TENM2: variants seen among roughly 807,000 people sequenced by gnomAD.
TENM2 encodes teneurin transmembrane protein 2.
Under a neutral mutation model 245.2 loss-of-function variants are expected in TENM2, and 52 were observed. The ratio of observed to expected loss-of-function variants is 0.21; its 90% CI spans 0.17 to 0.27. TENM2 has a LOEUF of 0.27. TENM2 is among the 10% of genes least tolerant of loss of function. The pLI is 1.00. For missense variants in TENM2, 3,046 were observed against 3,666.8 expected (o/e 0.83, Z 4.37); for synonymous variants, 1,363 against 1,438.9 (o/e 0.95, Z 1.19).
intron 6 of TENM2, among the ~76,000 whole-genome samples, chr5:168,058,892 G>T (rs1362834847): frequency 2.0e-5 from 3 of 151,900 alleles, no homozygotes; most frequent in Admixed American, 6.6e-5. Context: ...CACCCTCCAA[G>T]GCAGTTAGAA....
At chr5:167,594,262 G>C (rs887630999) in intron 2 of TENM2, among the ~76,000 whole-genome samples, 1 of 152,152 alleles carries the variant, frequency 6.6e-6, no homozygotes, top group African/African-American at 2.4e-5. Context: ...AGCCATAGAA[G>C]TTGTATTCCC....
the TENM2 span, among the ~76,000 whole-genome samples, chr5:167,198,218 G>T: frequency 6.2e-3 from 948 of 152,164 alleles, 10 homozygotes; most frequent in African/African-American, 0.022. Context: ...TGCAAAATAG[G>T]TTGTAGAGAT....
At chr5:167,165,806 A>C in the TENM2 span, among the ~76,000 whole-genome samples, 1 of 152,334 alleles carries the variant, frequency 6.6e-6, no homozygotes, top group South Asian at 2.1e-4. Context: ...CTTTTATAAA[A>C]GTTTATGTCT....
At chr5:167,201,130 A>G in the TENM2 span, among the ~76,000 whole-genome samples, 2 of 152,190 alleles carry the variant, frequency 1.3e-5, no homozygotes, top group African/African-American at 2.4e-5. Context: ...AAGTGAAATC[A>G]GGATTTACCT....
At chr5:168,134,556 G>A (rs1202750364) in intron 12 of TENM2, among the ~76,000 whole-genome samples, 1 of 152,036 alleles carries the variant, frequency 6.6e-6, no homozygotes, top group Non-Finnish European at 1.5e-5. Flanking sequence ...GTGTGGTGGC[G>A]AGCACCTGTA....
At chr5:167,786,860 G>A (rs1175121911) in intron 2 of TENM2, among the ~76,000 whole-genome samples, 2 of 152,130 alleles carry the variant, frequency 1.3e-5, no homozygotes, top group Non-Finnish European at 2.9e-5. Flanking sequence ...CACACACTGG[G>A]AATTAATACA....
intron 2 of TENM2, among the ~76,000 whole-genome samples, chr5:167,449,829 G>A (rs754187042): frequency 2.0e-4 from 30 of 152,178 alleles, no homozygotes; most frequent in Admixed American, 8.5e-4. Flanking sequence ...ATAGTGGCGC[G>A]TACCTTTAAT....
chr5:167,058,557 G>A, the TENM2 span, among the ~76,000 whole-genome samples: 1 of 152,128 alleles, frequency 6.6e-6, no homozygotes, highest in Non-Finnish European at 1.5e-5. Context: ...CCAGGAATTT[G>A]AGACCTCCTT....
chr5:167,025,398 T>G, the TENM2 span, among the ~76,000 whole-genome samples: 2 of 152,282 alleles, frequency 1.3e-5, no homozygotes, highest in East Asian at 3.9e-4. Flanking sequence ...AAAAGTAGAT[T>G]TCCATATACA....
chr5:167,498,246 G>A (rs1403340636), intron 2 of TENM2, among the ~76,000 whole-genome samples: 4 of 152,078 alleles, frequency 2.6e-5, no homozygotes, highest in African/African-American at 9.7e-5. Context: ...AGGATGCAGA[G>A]GCGCCGGGAA....
the TENM2 span, among the ~76,000 whole-genome samples, chr5:167,053,342 A>T: frequency 6.6e-6 from 1 of 152,198 alleles, no homozygotes; most frequent in Non-Finnish European, 1.5e-5. Flanking sequence ...AGAAGCACCT[A>T]TATCTCAGAC....
At chr5:167,981,401 CA>C (rs1782824941) in intron 4 of TENM2, among the ~76,000 whole-genome samples, 1 of 152,166 alleles carries the variant, frequency 6.6e-6, no homozygotes, top group African/African-American at 2.4e-5. Context: ...GAGTGGAAAT[CA>C]AAAGTTGTGT....
At chr5:167,962,380 G>A (rs1781079659) in intron 4 of TENM2, among the ~76,000 whole-genome samples, 1 of 152,102 alleles carries the variant, frequency 6.6e-6, no homozygotes, top group South Asian at 2.1e-4. Flanking sequence ...GGATGGAGTT[G>A]TTGGCAGAAA....
chr5:168,122,754 G>A lies in TENM2; in HGVS notation c.2009-2096G>A, dbSNP rs373169300. 5.3e-5 allele frequency among the ~76,000 whole-genome samples: 8 copies of A among 152,096 alleles called. No individual in the cohort carries two copies. In the South Asian group the frequency reaches 1.0e-3, roughly 20 times the overall value. On this transcript the variant is annotated intron_variant, in intron 10 of 28. Coordinates refer to ENST00000518659, the Ensembl canonical transcript of TENM2. ...ACTGTTTTTTCCCCATGCCTGAAACGGTTTTGAAATGACTTCCATATATAA... is the reference window on the plus strand; with the variant it reads ...ACTGTTTTTTCCCCATGCCTGAAACAGTTTTGAAATGACTTCCATATATAA...
At chr5:167,677,811 T>G (rs1438800405) in intron 2 of TENM2, among the ~76,000 whole-genome samples, 2 of 151,154 alleles carry the variant, frequency 1.3e-5, no homozygotes, top group East Asian at 3.9e-4. Context: ...GATTCTAAGA[T>G]AAGTTTGAAT....
At chr5:167,153,090 T>C in the TENM2 span, among the ~76,000 whole-genome samples, 1 of 144,096 alleles carries the variant, frequency 6.9e-6, no homozygotes, top group Non-Finnish European at 1.5e-5. Context: ...TCACAATCAA[T>C]GAATACATAC....
the TENM2 span, among the ~76,000 whole-genome samples, chr5:167,077,132 G>GT: frequency 6.6e-6 from 1 of 152,044 alleles, no homozygotes; most frequent in African/African-American, 2.4e-5. Context: ...GGCCTGAACT[G>GT]TTTTTTAAAC....
At chr5:167,691,875 T>C (rs1283291184) in intron 2 of TENM2, among the ~76,000 whole-genome samples, 1 of 152,174 alleles carries the variant, frequency 6.6e-6, no homozygotes, top group Non-Finnish European at 1.5e-5. Context: ...CAGTTGGCTT[T>C]TGCAGAGGGT....
At chr5:166,979,194 C>CCAGCAGCAG in the TENM2 span, among the ~76,000 whole-genome samples, 2,236 of 142,100 alleles carry the variant, frequency 0.016, 56 homozygotes, top group African/African-American at 0.052. Flanking sequence ...AGCACCACCA[C>CCAGCAGCAG]CAGCAGCAGC....
Sources: gnomAD v4.1 joint callset for allele counts (sites outside exome capture counted in the v4.1 genomes callset) on GRCh38, gnomAD v4.1.1 for gene constraint, MANE v1.5 for transcripts, NCBI Gene and HGNC (gene_info 2026-07-23, HGNC 2026-07-21) for gene names.